Variants in SPPL2A observed in about 807,000 individuals in gnomAD.
The protein encoded by SPPL2A is signal peptide peptidase-like 2A.
A neutral mutation model predicts 63.8 loss-of-function variants in SPPL2A; 51 were observed. The ratio of observed to expected loss-of-function variants is 0.80; its 90% CI spans 0.64 to 1.01. The LOEUF (loss-of-function observed/expected upper bound fraction) is 1.01. Ranked by LOEUF, SPPL2A falls within the 50% of genes least tolerant of loss-of-function variation. SPPL2A has a pLI of 0.00. For missense variants in SPPL2A, 553 were observed against 622.7 expected (o/e 0.89, Z 1.19); for synonymous variants, 188 against 205.8 (o/e 0.91, Z 0.74).
intron 13 of SPPL2A, 128 bp downstream of exon 13, chr15:50,721,996 C>T: frequency 3.4e-6 from 2 of 579,862 alleles, no homozygotes; most frequent in Non-Finnish European, 6.2e-6. Context: ...GCCTTGGCCC[C>T]CAAAGTGCTA....
At chr15:50,711,863 A>G (rs1215264881) in intron 14 of SPPL2A, among the ~76,000 whole-genome samples, 2 of 152,230 alleles carry the variant, frequency 1.3e-5, no homozygotes, top group African/African-American at 4.8e-5. Context: ...TTATTTCAAA[A>G]CAGCAGCAAA....
chr15:50,748,181 A>G lies in SPPL2A; in HGVS notation c.382T>C (p.Ser128Pro). 6.7e-7 allele frequency: 1 copy of G among 1,496,746 alleles called. No individual in the cohort carries two copies. Among genetic ancestry groups the G allele is most frequent in the Non-Finnish European group, 9.0e-7 (1 of 1,116,984 alleles). The allele number at this position is 1,496,746 out of a possible 1,614,324, so 92.7% of individuals were successfully genotyped here. A position where few individuals can be genotyped will look rare whatever the true frequency, so the allele number is the denominator to read the frequency against. Reference protein sequence around the residue: ...SVLFPPSGNRSEFPDVKILIA... With the variant: ...SVLFPPSGNRPEFPDVKILIA... ...AGTATTTTCACATCAGGAAATTCAG[A>G]TCTGTTACCTGAGGGAGGAAACTAA... The change falls in exon 4 of 15, where the codon TCT becomes CCT. Residue 128 changes from serine (S) to proline (P), a missense_variant. By Grantham distance (74) the Ser-to-Pro change is moderately conservative. Coordinates refer to ENST00000261854, the MANE Select transcript of SPPL2A (RefSeq NM_032802.4).
At chr15:50,712,448 A>G (rs1227181119) in intron 14 of SPPL2A, among the ~76,000 whole-genome samples, 1 of 152,128 alleles carries the variant, frequency 6.6e-6, no homozygotes, top group Non-Finnish European at 1.5e-5. Flanking sequence ...TGTTAGCCTA[A>G]GAGATGAGCC....
intron 5 of SPPL2A, among the ~76,000 whole-genome samples, chr15:50,742,131 T>C (rs1436926796): frequency 1.3e-5 from 2 of 151,954 alleles, no homozygotes; most frequent in African/African-American, 4.8e-5. Context: ...GATTTTAGGC[T>C]GGGCATGGTA....
intron 6 of SPPL2A, among the ~76,000 whole-genome samples, chr15:50,738,539 ACT>A (rs906704947): frequency 6.8e-4 from 99 of 146,134 alleles, no homozygotes; most frequent in African/African-American, 2.1e-3. Context: ...ACAGAGCAAG[ACT>A]CTGTTTCCAA....
At chr15:50,730,632 T>A (rs756554160) in intron 10 of SPPL2A, among the ~76,000 whole-genome samples, 34 of 152,296 alleles carry the variant, frequency 2.2e-4, no homozygotes, top group Non-Finnish European at 4.3e-4. Context: ...TGCTGCTCTT[T>A]CTTAGTCTCA....
chr15:50,757,575 T>C (rs1303859917), intron 1 of SPPL2A, among the ~76,000 whole-genome samples: 2 of 152,178 alleles, frequency 1.3e-5, no homozygotes, highest in African/African-American at 2.4e-5. Flanking sequence ...AGAATCTTTA[T>C]ATTCAGCATC....
At chr15:50,763,204 T>C (rs2063027365) in intron 1 of SPPL2A, among the ~76,000 whole-genome samples, 1 of 151,924 alleles carries the variant, frequency 6.6e-6, no homozygotes. Context: ...CAGACAGAGT[T>C]GGAGGAAAGG....
intron 2 of SPPL2A, among the ~76,000 whole-genome samples, chr15:50,749,123 T>C (rs2062884280): frequency 6.6e-6 from 1 of 152,126 alleles, no homozygotes; most frequent in Non-Finnish European, 1.5e-5. Context: ...TAATTATCAG[T>C]CATTCTCACT....
intron 3 of SPPL2A, 36 bp from the exon 4 acceptor site, chr15:50,748,238 CTAATA>C: frequency 1.3e-6 from 1 of 760,286 alleles, no homozygotes; most frequent in South Asian, 2.1e-5. Context: ...TTATTTACTA[CTAATA>C]TATTTATAGA....
chr15:50,736,671 A>G lies in SPPL2A; in HGVS notation c.803T>C (p.Ile268Thr), dbSNP rs1201297360. Residue 268 changes from isoleucine to threonine, a missense_variant, in exon 7 of 15, where the codon ATT (isoleucine) becomes ACT (threonine). By Grantham distance (89) the Ile-to-Thr change is moderately conservative. Coordinates refer to ENST00000261854, the MANE Select transcript of SPPL2A (RefSeq NM_032802.4). ...GCATTGTCCATATGGTATCTTATGA[A>G]TTAGTGCAGCAAGACAGTTGTACAG... is the stretch of plus-strand genomic sequence containing the variant. ...MSLYNCLAAL[I>T]HKIPYGQCTI... The G allele has an allele frequency of 6.2e-7, 1 of 1,602,650 alleles. No homozygotes were observed. Among genetic ancestry groups the G allele is most frequent in the Non-Finnish European group, 8.5e-7 (1 of 1,170,074 alleles).
rs866736447 is a variant in SPPL2A at position 50,736,883 on chromosome 15, C to T, written c.734-143G>A. 6.0e-6 allele frequency: 3 copies of T among 499,348 alleles called. No homozygotes were observed. The Middle Eastern group carries it at 9.0e-4, about 150-fold the overall frequency. The allele number at this position is 499,348 out of a possible 1,614,324, so 30.9% of individuals were successfully genotyped here. On this transcript the variant is annotated intron_variant, in intron 6 of 14. Transcript: ENST00000261854. ...ACTATACGATGACCTGAATTACTTA[C>T]TAAGCTGAAATTTAGATCGTGAGGT...
intron 3 of SPPL2A, among the ~76,000 whole-genome samples, 195 bp from the exon 4 acceptor site, chr15:50,748,397 T>C (rs2062876768): frequency 6.6e-6 from 1 of 151,566 alleles, no homozygotes; most frequent in African/African-American, 2.4e-5. Flanking sequence ...CTATAATATA[T>C]ATAGCATTTA....
chr15:50,761,856 C>A (rs2063014242), intron 1 of SPPL2A, among the ~76,000 whole-genome samples: 2 of 151,856 alleles, frequency 1.3e-5, no homozygotes. Flanking sequence ...TGCTAGAACC[C>A]AGGAGGCAGA....
intron 1 of SPPL2A, among the ~76,000 whole-genome samples, chr15:50,762,421 A>G (rs1216987071): frequency 2.6e-5 from 4 of 152,114 alleles, no homozygotes; most frequent in African/African-American, 9.6e-5. Flanking sequence ...TGGCAAGGTC[A>G]AGACACAGCT....
rs144540362 is a variant in SPPL2A, at chr15:50,708,014, G to T, written c.1489-140C>A. 5,447 of 625,880 alleles carry T rather than the reference G, an allele frequency of 8.7e-3. 138 individuals are homozygous for T. Among genetic ancestry groups the T allele is most frequent in the South Asian group, 0.059 (3,120 of 52,514 alleles). 38.8% of individuals were successfully genotyped at this position (625,880 alleles called of 1,614,324 possible). A position where few individuals can be genotyped will look rare whatever the true frequency, so the allele number is the denominator to read the frequency against. ...GCACTCCTTCTGGAGCACTGTTCTG[G>T]TTCAACATCCACACTTCTAAGGAGA... On this transcript the variant is annotated intron_variant, in intron 14 of 14. Coordinates refer to ENST00000261854, the MANE Select transcript of SPPL2A (RefSeq NM_032802.4).
chr15:50,732,718 C>T (rs750726375), intron 8 of SPPL2A, 34 bp from the exon 9 acceptor site: 21 of 1,311,830 alleles, frequency 1.6e-5, no homozygotes, highest in African/African-American at 2.9e-5. Flanking sequence ...ATTGCTTTAT[C>T]AATGTTTAGA....
intron 14 of SPPL2A, among the ~76,000 whole-genome samples, chr15:50,709,771 T>TAG (rs951009986): frequency 4.6e-5 from 7 of 151,090 alleles, no homozygotes; most frequent in African/African-American, 7.3e-5. Flanking sequence ...GCCTGGGCAA[T>TAG]AGAGAGAGAG....
At chr15:50,753,964 T>C (rs901556897) in intron 1 of SPPL2A, among the ~76,000 whole-genome samples, 1 of 152,084 alleles carries the variant, frequency 6.6e-6, no homozygotes, top group Non-Finnish European at 1.5e-5. Context: ...GCCTGGCTAA[T>C]TTTTGTATTT....
Sources: allele counts gnomAD v4.1 joint callset (sites outside exome capture counted in the v4.1 genomes callset), GRCh38; gene constraint gnomAD v4.1.1; transcripts MANE v1.5; gene names NCBI Gene and HGNC (gene_info 2026-07-23, HGNC 2026-07-21).